CTSH: variants seen among roughly 807,000 people sequenced by gnomAD.
The protein encoded by CTSH is cathepsin H.
In CTSH, 52 loss-of-function variants were observed where a neutral mutation model predicts 56.3. The observed-to-expected ratio is 0.92, with a 90% CI of 0.74 to 1.16. CTSH has a LOEUF of 1.16. CTSH is among the 50% of genes most tolerant of loss of function. CTSH has a pLI of 0.00. For missense variants in CTSH, 406 were observed against 424.5 expected, an observed-to-expected ratio of 0.96 and a Z score of 0.38; for synonymous variants, 174 against 155.7, an observed-to-expected ratio of 1.12 and a Z score of -0.88.
At chr15:78,943,557 G>T (rs756649924) in intron 1 of CTSH, among the ~76,000 whole-genome samples, 9 of 152,078 alleles carry the variant, frequency 5.9e-5, no homozygotes, top group Admixed American at 4.6e-4. Flanking sequence ...TACAGCTCCT[G>T]GGCTACAAAC....
chr15:78,925,395 C>T lies in CTSH; in HGVS notation c.745G>A (p.Val249Met), dbSNP rs2054881805. 2 of 1,613,908 alleles carry T rather than the reference C, an allele frequency of 1.2e-6. No homozygotes were observed. Among genetic ancestry groups the T allele is most frequent in the African/African-American group, 2.7e-5 (2 of 74,942 alleles). The part of the protein sequence containing the change: ...MVEAVALYNP[V>M]SFAFEVTQDF... ...TGAGTCACCTCAAAGGCAAAGCTCA[C>T]AGGGTTGTAGAGGGCCACAGCCTCC... The change falls in exon 10 of 12, where the codon GTG becomes ATG. Residue 249 changes from valine to methionine, a missense_variant. Val to Met is a conservative substitution (Grantham distance 21). Coordinates refer to ENST00000220166, the MANE Select transcript of CTSH (RefSeq NM_004390.5).
Position 78,925,533 on chromosome 15 carries a change from G to A in CTSH, c.700-93C>T. 3.8e-6 allele frequency: 3 copies of A among 796,138 alleles called. No individual in the cohort carries two copies. The South Asian group carries it at 4.4e-5, about 12-fold the overall frequency. The allele number at this position is 796,138 out of a possible 1,614,324, so 49.3% of individuals were successfully genotyped here. A position where few individuals can be genotyped will look rare whatever the true frequency, so the allele number is the denominator to read the frequency against. On this transcript the variant is annotated intron_variant, in intron 9 of 11. Coordinates refer to ENST00000220166, the MANE Select transcript of CTSH (RefSeq NM_004390.5). Reference sequence around the variant, plus strand: ...TTTTGCCTCAAGCTAGGGGCTAGAGGCCCAGAGCAGCATGGATGGCCAGAA... The same window carrying A: ...TTTTGCCTCAAGCTAGGGGCTAGAGACCCAGAGCAGCATGGATGGCCAGAA...
At chr15:78,927,670 C>G in intron 9 of CTSH, 43 bp downstream of exon 9, 1 of 1,580,728 alleles carries the variant, frequency 6.3e-7, no homozygotes, top group Non-Finnish European at 8.7e-7. Flanking sequence ...GAGGCCTCCT[C>G]ATCAGGACAC....
chr15:78,941,016 G>A (rs1445461822), intron 1 of CTSH, among the ~76,000 whole-genome samples: 3 of 152,144 alleles, frequency 2.0e-5, no homozygotes, highest in South Asian at 2.1e-4. Context: ...TCTTTTTCTT[G>A]TTGAACACCT....
intron 10 of CTSH, 59 bp from the exon 11 acceptor site, chr15:78,923,177 C>T: frequency 1.3e-6 from 2 of 1,595,196 alleles, no homozygotes; most frequent in East Asian, 2.2e-5. Flanking sequence ...CAATGACAGT[C>T]CCATCCAACA....
chr15:78,938,681 C>A (rs957749649), intron 2 of CTSH, among the ~76,000 whole-genome samples: 5 of 152,174 alleles, frequency 3.3e-5, no homozygotes. Flanking sequence ...TAGGTTGATT[C>A]CATATCTTGG....
At chr15:78,931,882 A>G (rs1468517916) in intron 6 of CTSH, 1 of 1,229,432 alleles carries the variant, frequency 8.1e-7, no homozygotes, top group Non-Finnish European at 1.0e-6. Context: ...TCCACAACCC[A>G]GGGTCCTCAT....
At chr15:78,940,913 T>C (rs10152589) in intron 1 of CTSH, among the ~76,000 whole-genome samples, 77,229 of 151,198 alleles carry the variant, frequency 0.51, 22,848 homozygotes, top group Non-Finnish European at 0.68. Context: ...GAGCCGAGAT[T>C]GTGCCACTGC....
At position 78,922,156 on chromosome 15, in the gene CTSH, C is replaced by T. The variant is rs148078851; in HGVS notation, c.982G>A (p.Ala328Thr). The T allele has an allele frequency of 5.3e-5, 84 of 1,579,532 alleles. No homozygotes were observed. The highest frequency in any genetic ancestry group is 6.7e-5 in the Non-Finnish European group (78 of 1,163,572). ...GKNMCGLAAC[A>T]SYPIPLV is the part of the protein sequence containing the mutation. Reference sequence around the variant, plus strand: ...CACACCAGAGGGATGGGGTAGGAGGCGCAGGCAGCCAGGCCACACATGTTC... The same window carrying T: ...CACACCAGAGGGATGGGGTAGGAGGTGCAGGCAGCCAGGCCACACATGTTC... The change falls in exon 12 of 12, where the codon GCC (alanine) becomes ACC (threonine). Residue 328 changes from alanine to threonine, a missense_variant. Physicochemically the swap from Ala to Thr is moderately conservative, Grantham distance 58. Coordinates refer to ENST00000220166, the MANE Select transcript of CTSH (RefSeq NM_004390.5).
In CTSH at chr15:78,935,111, G is replaced by A. The variant is rs556869954; in HGVS notation, c.301-29C>T. 49 of 1,507,034 alleles carry A rather than the reference G, an allele frequency of 3.3e-5. No individual in the cohort carries two copies. The South Asian group carries it at 5.3e-4, about 16-fold the overall frequency. The allele number at this position is 1,507,034 out of a possible 1,614,324, so 93.4% of individuals were successfully genotyped here. A position where few individuals can be genotyped will look rare whatever the true frequency, so the allele number is the denominator to read the frequency against. On this transcript the variant is annotated intron_variant, in intron 4 of 11. Coordinates refer to ENST00000220166, the MANE Select transcript of CTSH (RefSeq NM_004390.5). The stretch of plus-strand genomic sequence containing the variant: ...GAACAACCAAACACATTATTTTCAG[G>A]AAAATAAACAAAACCAAAAACCTTT...
chr15:78,931,958 C>G (rs1217353591), intron 6 of CTSH: 1 of 1,155,026 alleles, frequency 8.7e-7, no homozygotes, highest in South Asian at 2.3e-5. Flanking sequence ...AGGATAGTTC[C>G]TTCAGGGGCA....
chr15:78,944,799 C>A (rs976222066), intron 1 of CTSH, 92 bp downstream of exon 1: 7 of 1,444,096 alleles, frequency 4.8e-6, no homozygotes, highest in Non-Finnish European at 6.4e-6. Context: ...CTGCCCCGTT[C>A]CTCCGGAGCC....
rs2054880848 is a variant in CTSH at position 78,925,361 on chromosome 15, A to G, written c.779T>C (p.Met260Thr). The G allele has an allele frequency of 6.2e-7, 1 of 1,613,296 alleles. No homozygotes were observed. The highest frequency in any genetic ancestry group is 2.2e-5 in the East Asian group (1 of 44,858). Residue 260 changes from methionine (M) to threonine (T), a missense_variant, in exon 10 of 12, where the codon ATG becomes ACG. Transcript: ENST00000220166. Reference sequence around the variant, plus strand: ...GGAGTAGATGCCGGTTCTATACATCATGAAGTCCTGAGTCACCTCAAAGGC... The same window carrying G: ...GGAGTAGATGCCGGTTCTATACATCGTGAAGTCCTGAGTCACCTCAAAGGC... ...SFAFEVTQDFMMYRTGIYSST... is the reference protein window; with the variant it reads ...SFAFEVTQDFTMYRTGIYSST...
At chr15:78,931,259 T>C (rs181075414) in intron 7 of CTSH, among the ~76,000 whole-genome samples, 192 bp downstream of exon 7, 58 of 152,288 alleles carry the variant, frequency 3.8e-4, no homozygotes, top group Admixed American at 3.7e-3. Context: ...GGACTCAGAT[T>C]CCAGCTCTGC....
At chr15:78,925,028 T>C (rs1567348082) in intron 10 of CTSH, among the ~76,000 whole-genome samples, 1 of 151,960 alleles carries the variant, frequency 6.6e-6, no homozygotes, top group Non-Finnish European at 1.5e-5. Context: ...TGGAGGCAAC[T>C]CTTCTGTTAA....
At chr15:78,924,753 G>A (rs933930343) in intron 10 of CTSH, among the ~76,000 whole-genome samples, 7 of 150,780 alleles carry the variant, frequency 4.6e-5, no homozygotes, top group Non-Finnish European at 1.0e-4. Flanking sequence ...GCAGTGGCAC[G>A]ATCTTGGCTT....
chr15:78,940,827 C>T (rs1008618535), intron 1 of CTSH, among the ~76,000 whole-genome samples: 26 of 152,146 alleles, frequency 1.7e-4, no homozygotes, highest in Non-Finnish European at 5.9e-5. Context: ...GGCATGGTGG[C>T]AGGCGCCTGT....
chr15:78,934,926 G>GTC, intron 5 of CTSH, 52 bp downstream of exon 5: 1 of 1,159,554 alleles, frequency 8.6e-7, no homozygotes, highest in South Asian at 1.2e-5. Context: ...CTGGTGTATT[G>GTC]TCTGGGAGTG....
chr15:78,936,488 T>G (rs542417427), intron 3 of CTSH, among the ~76,000 whole-genome samples: 1 of 152,298 alleles, frequency 6.6e-6, no homozygotes, highest in South Asian at 2.1e-4. Context: ...TTAGCATCCC[T>G]GGAGGTCACA....
Sources: gnomAD v4.1 joint callset for allele counts (sites outside exome capture counted in the v4.1 genomes callset) on GRCh38, gnomAD v4.1.1 for gene constraint, MANE v1.5 for transcripts, NCBI Gene and HGNC (gene_info 2026-07-23, HGNC 2026-07-21) for gene names.